The following ARID1B variants were observed in gnomAD, a reference collection of about 807,000 sequenced individuals.
The protein encoded by ARID1B is AT-rich interactive domain-containing protein 1B.
In ARID1B, 30 loss-of-function variants were observed where a neutral mutation model predicts 212.3. The observed-to-expected ratio is 0.14, with a 90% CI of 0.11 to 0.19. ARID1B has a LOEUF of 0.19. Among genes scored for constraint, ARID1B ranks in the 10% least tolerant of loss-of-function variants. ARID1B has a pLI of 1.00. For synonymous variants in ARID1B, 1,402 were observed against 1,301.7 expected, an observed-to-expected ratio of 1.08 and a Z score of -1.66; for missense variants, 2,891 against 3,204.0, an observed-to-expected ratio of 0.90 and a Z score of 2.36.
chr6:157,130,340 A>T (rs570946410), intron 6 of ARID1B, among the ~76,000 whole-genome samples: 1 of 152,350 alleles, frequency 6.6e-6, no homozygotes, highest in East Asian at 1.9e-4. Flanking sequence ...GACCCACATG[A>T]TCTCTATGAA....
chr6:157,081,588 G>T (rs920514088), intron 4 of ARID1B, among the ~76,000 whole-genome samples: 1 of 152,128 alleles, frequency 6.6e-6, no homozygotes, highest in East Asian at 1.9e-4. Context: ...CACGAAGAAA[G>T]CCACTGTTTT....
intron 4 of ARID1B, among the ~76,000 whole-genome samples, chr6:157,010,196 G>GA (rs1451527894): frequency 6.6e-6 from 1 of 150,408 alleles, no homozygotes; most frequent in Non-Finnish European, 1.5e-5. Context: ...GGGTAATCTT[G>GA]AATAGGGCCG....
intron 4 of ARID1B, among the ~76,000 whole-genome samples, chr6:157,004,002 G>A (rs1258045115): frequency 1.3e-5 from 2 of 152,108 alleles, no homozygotes; most frequent in African/African-American, 4.8e-5. Context: ...CGGTGTGGTG[G>A]TGCATGCCAG....
In ARID1B at chr6:157,133,099, T is replaced by C. The variant is rs767477226; in HGVS notation, c.2653T>C (p.Ser885Pro). ...ACCTCAACAGACAGGACCATCCATG[T>C]CGCCTCATCCTTCTCCTGGGGGCCA... Reference protein sequence around the residue: ...YGPQQTGPSMSPHPSPGGQMH... With the variant: ...YGPQQTGPSMPPHPSPGGQMH... The change falls in exon 7 of 20, where the codon TCG becomes CCG. Residue 885 changes from serine to proline, a missense_variant. By Grantham distance (74) the Ser-to-Pro change is moderately conservative. Coordinates refer to ENST00000636930, the MANE Select transcript of ARID1B (RefSeq NM_001374828.1). 9.3e-6 allele frequency: 15 copies of C among 1,614,186 alleles called. No individual in the cohort carries two copies. Among genetic ancestry groups the C allele is most frequent in the Non-Finnish European group, 1.3e-5 (15 of 1,180,032 alleles).
intron 4 of ARID1B, among the ~76,000 whole-genome samples, chr6:157,005,195 C>T (rs1779174219): frequency 6.6e-6 from 1 of 151,538 alleles, no homozygotes; most frequent in Non-Finnish European, 1.5e-5. Flanking sequence ...GCTCTGTCGC[C>T]CAGGCTGGAA....
chr6:157,206,188 T>G lies in ARID1B; in HGVS notation c.5416T>G (p.Leu1806Val). 1 of 1,614,140 alleles carries G rather than the reference T, an allele frequency of 6.2e-7. No homozygotes were observed. Among genetic ancestry groups the G allele is most frequent in the Non-Finnish European group, 8.5e-7 (1 of 1,179,986 alleles). ...CCAGTTGTCTGGATTTCTCGAACTT[T>G]TAGTCGAGTACTTTAGAAAATGCCT... ...LSQLSGFLEL[L>V]VEYFRKCLID... The change falls in exon 20 of 20, where the codon TTA becomes GTA. Residue 1806 changes from leucine (L) to valine (V), a missense_variant. Physicochemically the swap from Leu to Val is conservative, Grantham distance 32. This residue lies in a region of ARID1B where 332 missense variants were observed against 369.2 expected (regional missense o/e 0.90). Coordinates refer to ENST00000636930, the MANE Select transcript of ARID1B (RefSeq NM_001374828.1). The surrounding 1 kb of genome is among the most constrained non-coding windows in gnomAD (Gnocchi z 6.8).
intron 15 of ARID1B, chr6:157,194,302 A>C (rs1793574817): frequency 6.6e-6 from 1 of 152,198 alleles, no homozygotes; most frequent in African/African-American, 2.4e-5. Flanking sequence ...AACTGGTTCT[A>C]CCACAGGTTG....
chr6:157,071,296 C>T (rs922913353), intron 4 of ARID1B: 3 of 152,224 alleles, frequency 2.0e-5, no homozygotes, highest in Non-Finnish European at 2.9e-5. Flanking sequence ...GATGGACTGC[C>T]GTGGTGCTCC....
chr6:156,817,734 C>G (rs1782067588), intron 1 of ARID1B, among the ~76,000 whole-genome samples: 1 of 151,916 alleles, frequency 6.6e-6, no homozygotes, highest in African/African-American at 2.4e-5. Flanking sequence ...ACCTTTTATT[C>G]TGATGCATTA....
At chr6:156,898,877 A>G (rs1463171255) in intron 2 of ARID1B, among the ~76,000 whole-genome samples, 1 of 152,124 alleles carries the variant, frequency 6.6e-6, no homozygotes, top group Non-Finnish European at 1.5e-5. Flanking sequence ...AGGCTGAGGC[A>G]GGAGAATCGT....
intron 4 of ARID1B, among the ~76,000 whole-genome samples, chr6:157,053,086 G>T (rs1782713445): frequency 6.6e-6 from 1 of 151,586 alleles, no homozygotes; most frequent in Admixed American, 6.6e-5. Context: ...TTTATTGATT[G>T]ATTGATTGAT....
At chr6:156,893,060 T>TTTTTTTTG (rs1268821728) in intron 2 of ARID1B, among the ~76,000 whole-genome samples, 5 of 137,700 alleles carry the variant, frequency 3.6e-5, no homozygotes, top group Admixed American at 7.3e-5. Context: ...TTTTTTTTTT[T>TTTTTTTTG]GAGATGGAGT....
At chr6:157,025,207 C>T (rs1186273113) in intron 4 of ARID1B, among the ~76,000 whole-genome samples, 1 of 152,186 alleles carries the variant, frequency 6.6e-6, no homozygotes, top group Non-Finnish European at 1.5e-5. Flanking sequence ...AAATTTAACT[C>T]TATATTCTAG....
At chr6:157,122,271 A>G (rs984202739) in intron 6 of ARID1B, among the ~76,000 whole-genome samples, 3 of 152,202 alleles carry the variant, frequency 2.0e-5, no homozygotes, top group Admixed American at 6.5e-5. Context: ...CACTGCTTAC[A>G]TTGCCATGTA....
chr6:157,105,413 C>CACAG (rs150389933), intron 5 of ARID1B, among the ~76,000 whole-genome samples: 4,234 of 151,940 alleles, frequency 0.028, 209 homozygotes, highest in African/African-American at 0.097. Flanking sequence ...CAATATATAC[C>CACAG]ACAGACAAAG....
chr6:157,037,925 G>A (rs989015056), intron 4 of ARID1B, among the ~76,000 whole-genome samples: 1 of 152,140 alleles, frequency 6.6e-6, no homozygotes, highest in African/African-American at 2.4e-5. Context: ...GGACAATATG[G>A]TGTCACCCTG....
At chr6:157,151,936 C>T (rs1273366292) in intron 8 of ARID1B, 1 of 152,224 alleles carries the variant, frequency 6.6e-6, no homozygotes, top group East Asian at 1.9e-4. Flanking sequence ...GTTCTAAAGT[C>T]TGTAAACATG....
intron 4 of ARID1B, among the ~76,000 whole-genome samples, chr6:157,006,471 C>T (rs909089751): frequency 6.6e-6 from 1 of 152,154 alleles, no homozygotes; most frequent in Non-Finnish European, 1.5e-5. Flanking sequence ...ATAGAGATGT[C>T]ATTAGAGAGC....
intron 3 of ARID1B, among the ~76,000 whole-genome samples, chr6:156,933,225 T>G (rs1791894756): frequency 6.6e-6 from 1 of 152,014 alleles, no homozygotes; most frequent in Admixed American, 6.6e-5. Flanking sequence ...TACTATTTCC[T>G]AGCTGAAGTT....
Sources: gnomAD v4.1 joint callset for allele counts (sites outside exome capture counted in the v4.1 genomes callset) on GRCh38, gnomAD v4.1.1 for gene constraint, gnomAD v4.1.1 regional missense constraint, Gnocchi (gnomAD v3.1) non-coding constraint, MANE v1.5 for transcripts, NCBI Gene and HGNC (gene_info 2026-07-23, HGNC 2026-07-21) for gene names.